IRAK1BP1: variants seen among roughly 807,000 people sequenced by gnomAD.
IRAK1BP1 encodes interleukin 1 receptor associated kinase 1 binding protein 1.
A neutral mutation model predicts 28.0 loss-of-function variants in IRAK1BP1; 24 were observed. That is an observed-to-expected ratio of 0.86 (90% CI 0.62 to 1.20). The LOEUF is 1.20. IRAK1BP1 is among the 50% of genes most tolerant of loss of function. The pLI, the probability that IRAK1BP1 is intolerant of heterozygous loss-of-function variation, is 0.00. For missense variants in IRAK1BP1, 336 were observed against 316.7 expected, an observed-to-expected ratio of 1.06 and a Z score of -0.46; for synonymous variants, 131 against 116.3, an observed-to-expected ratio of 1.13 and a Z score of -0.81.
downstream of IRAK1BP1, chr6:78,947,856 T>G: frequency 5.4e-6 from 5 of 928,360 alleles, no homozygotes; most frequent in Non-Finnish European, 8.3e-6. Context: ...GCACAGGATT[T>G]TTATGATGAC....
At chr6:78,971,165 T>A in the IRAK1BP1 span, among the ~76,000 whole-genome samples, 1 of 152,204 alleles carries the variant, frequency 6.6e-6, no homozygotes, top group South Asian at 2.1e-4. Flanking sequence ...AATAAGTTAA[T>A]CTATGTTGCA....
At chr6:78,869,202 AAG>A (rs1215053684) in intron 1 of IRAK1BP1, among the ~76,000 whole-genome samples, 1 of 152,246 alleles carries the variant, frequency 6.6e-6, no homozygotes, top group Non-Finnish European at 1.5e-5. Context: ...ATAAAATAAA[AAG>A]AGCTCACAGG....
At chr6:78,932,421 CTTTTTT>C (rs386407659) in intron 4 of IRAK1BP1, among the ~76,000 whole-genome samples, 2 of 123,702 alleles carry the variant, frequency 1.6e-5, no homozygotes, top group Admixed American at 9.2e-5. Context: ...CTTTCTTTTT[CTTTTTT>C]TTTTTTTTTT....
chr6:78,970,226 T>C, the IRAK1BP1 span: 57 of 1,492,938 alleles, frequency 3.8e-5, no homozygotes, highest in Middle Eastern at 3.6e-4. Flanking sequence ...AACCACAAAA[T>C]AGACTGCTAA....
At chr6:78,946,471 A>C, downstream of IRAK1BP1, 1 of 1,399,252 alleles carries the variant, frequency 7.1e-7, no homozygotes, top group Non-Finnish European at 9.2e-7. Flanking sequence ...GGAAAGCATG[A>C]TGCCATCACT....
At chr6:78,903,204 C>T (rs1772165415), downstream of IRAK1BP1, 2 of 643,340 alleles carry the variant, frequency 3.1e-6, no homozygotes, top group Non-Finnish European at 5.1e-6. Flanking sequence ...ATTAGGAGGC[C>T]AGGCATGGTG....
chr6:78,905,611 GT>G (rs534061427), downstream of IRAK1BP1, among the ~76,000 whole-genome samples: 1 of 151,854 alleles, frequency 6.6e-6, no homozygotes, highest in Admixed American at 6.6e-5. Flanking sequence ...TGTTAGAAAT[GT>G]TTTTTTTGAG....
chr6:78,871,951 CT>C, intron 1 of IRAK1BP1: 1 of 502,522 alleles, frequency 2.0e-6, no homozygotes, highest in South Asian at 3.3e-5. Context: ...AAAGTGAAAG[CT>C]TTCCCTGGCT....
the IRAK1BP1 span, among the ~76,000 whole-genome samples, chr6:78,971,486 T>A: frequency 1.3e-4 from 20 of 152,326 alleles, no homozygotes; most frequent in East Asian, 2.5e-3. Context: ...TATCCCATAC[T>A]TTCATTCTAT....
At chr6:78,876,928 C>T (rs753491756) in intron 1 of IRAK1BP1, among the ~76,000 whole-genome samples, 8 of 152,180 alleles carry the variant, frequency 5.3e-5, no homozygotes, top group Non-Finnish European at 1.2e-4. Context: ...ACCCACCAGC[C>T]AGACTATCAG....
chr6:78,950,579 A>G (rs1400058457), downstream of IRAK1BP1, among the ~76,000 whole-genome samples: 2 of 152,174 alleles, frequency 1.3e-5, no homozygotes, highest in Admixed American at 1.3e-4. Context: ...TATACTTTGA[A>G]TATCGGTCTA....
intron 4 of IRAK1BP1, among the ~76,000 whole-genome samples, chr6:78,943,578 G>A (rs1462702443): frequency 6.6e-6 from 1 of 152,136 alleles, no homozygotes; most frequent in African/African-American, 2.4e-5. Context: ...CATTAAAAAT[G>A]AGTAAACACA....
At chr6:78,954,455 A>C in the IRAK1BP1 span, among the ~76,000 whole-genome samples, 3 of 152,052 alleles carry the variant, frequency 2.0e-5, no homozygotes, top group Non-Finnish European at 4.4e-5. Flanking sequence ...TCCTGTAAGG[A>C]CGTAGGCATT....
intron 4 of IRAK1BP1, among the ~76,000 whole-genome samples, chr6:78,930,659 G>A (rs986437897): frequency 6.6e-6 from 1 of 152,122 alleles, no homozygotes. Context: ...GCTGGGCACC[G>A]TGGCTCACAC....
intron 4 of IRAK1BP1, among the ~76,000 whole-genome samples, chr6:78,919,712 T>C (rs9448596): frequency 0.47 from 72,070 of 151,736 alleles, 17,408 homozygotes; most frequent in East Asian, 0.69. Context: ...AAATTACCAA[T>C]CAAAGAACTC....
the IRAK1BP1 span, among the ~76,000 whole-genome samples, chr6:78,977,675 T>G: frequency 1.3e-5 from 2 of 152,186 alleles, no homozygotes; most frequent in Non-Finnish European, 2.9e-5. Flanking sequence ...TCTGGCCATG[T>G]TGAAATAATG....
downstream of IRAK1BP1, among the ~76,000 whole-genome samples, chr6:78,949,267 T>A (rs191819464): frequency 3.1e-4 from 47 of 152,280 alleles, no homozygotes; most frequent in Admixed American, 6.5e-4. Context: ...AATGATGATC[T>A]GGTACCTGGG....
In IRAK1BP1 at chr6:78,898,793, T is replaced by A. The variant is rs1771997862; in HGVS notation, c.*459T>A. 1 of 152,120 alleles carries A rather than the reference T, an allele frequency of 6.6e-6. No individual in the cohort carries two copies. Among genetic ancestry groups the A allele is most frequent in the Non-Finnish European group, 1.5e-5 (1 of 68,012 alleles). 9.4% of individuals were successfully genotyped at this position (152,120 alleles called of 1,614,324 possible). A position where few individuals can be genotyped will look rare whatever the true frequency, so the allele number is the denominator to read the frequency against. On this transcript the variant is annotated 3_prime_UTR_variant, in exon 4 of 4. Transcript: ENST00000369940. The stretch of plus-strand genomic sequence containing the variant: ...AAGACAAAATTTTTATGGAAAAGAA[T>A]TCCTATATCCCATCAAACCTAATAA...
At chr6:78,921,035 GAGGTACC>G (rs1158188521) in intron 4 of IRAK1BP1, among the ~76,000 whole-genome samples, 1 of 152,140 alleles carries the variant, frequency 6.6e-6, no homozygotes, top group Non-Finnish European at 1.5e-5. Context: ...ATTTCCAACT[GAGGTACC>G]AGGTTCATCT....
Sources: gnomAD v4.1 joint callset for allele counts (sites outside exome capture counted in the v4.1 genomes callset) on GRCh38, gnomAD v4.1.1 for gene constraint, MANE v1.5 for transcripts, NCBI Gene and HGNC (gene_info 2026-07-23, HGNC 2026-07-21) for gene names.